The following RNF166 variants were observed in gnomAD, a reference collection of about 807,000 sequenced individuals.
RNF166 encodes E3 ubiquitin-protein ligase RNF166.
RNF166 carries 19 observed loss-of-function variants against 29.4 expected under a neutral mutation model. That is an observed-to-expected ratio of 0.65 (90% CI 0.45 to 0.95). RNF166 has a LOEUF of 0.95. Among genes scored for constraint, RNF166 ranks in the 40% least tolerant of loss-of-function variants. The probability of loss-of-function intolerance (pLI) is 0.00; values close to 1 mark genes in which losing one functional copy is unlikely to be tolerated. For synonymous variants in RNF166, 171 were observed against 134.5 expected, an observed-to-expected ratio of 1.27 and a Z score of -1.88; for missense variants, 347 against 322.1, an observed-to-expected ratio of 1.08 and a Z score of -0.59.
chr16:88,702,033 C>T (rs944276629), intron 1 of RNF166, among the ~76,000 whole-genome samples: 1 of 152,180 alleles, frequency 6.6e-6, no homozygotes, highest in African/African-American at 2.4e-5. Context: ...CCTGGGCACC[C>T]ATGGGCCCTG....
intron 2 of RNF166, chr16:88,700,846 G>A (rs968634825): frequency 9.4e-7 from 1 of 1,060,122 alleles, no homozygotes; most frequent in Non-Finnish European, 1.1e-6. Context: ...GGCAGCTGGA[G>A]GGTGCTCGGC....
At chr16:88,704,357 G>A (rs767646991) in intron 1 of RNF166, 65 of 985,472 alleles carry the variant, frequency 6.6e-5, no homozygotes, top group Non-Finnish European at 7.7e-5. Context: ...AAAAGCTCTT[G>A]CAGGACCCGC....
intron 3 of RNF166, 42 bp downstream of exon 3, chr16:88,699,578 C>G: frequency 1.3e-6 from 2 of 1,497,886 alleles, no homozygotes; most frequent in Non-Finnish European, 1.8e-6. Flanking sequence ...ACGAGGAAAC[C>G]GCCGAGGACA....
intron 4 of RNF166, 25 bp from the exon 5 acceptor site, chr16:88,698,634 C>A (rs367960205): frequency 8.1e-6 from 12 of 1,475,530 alleles, no homozygotes; most frequent in East Asian, 2.5e-5. Flanking sequence ...GGGGTCAAGC[C>A]GAGCCGGACC....
At chr16:88,702,464 A>G (rs1157372302) in intron 1 of RNF166, among the ~76,000 whole-genome samples, 2 of 152,152 alleles carry the variant, frequency 1.3e-5, no homozygotes, top group South Asian at 2.1e-4. Flanking sequence ...GGGTTCACAA[A>G]CGACTCAGCT....
chr16:88,697,548 G>C lies in RNF166; in HGVS notation c.*20C>G, dbSNP rs560901941. ...GGGACATCCCTGACCCCAGACGCAG[G>C]CGGGTGGCTGCGCTTCCCTTCAGTT... is the stretch of plus-strand genomic sequence containing the variant. On this transcript the variant is annotated 3_prime_UTR_variant, in exon 6 of 6. Coordinates refer to ENST00000312838, the MANE Select transcript of RNF166 (RefSeq NM_178841.4). 1.8e-5 allele frequency: 28 copies of C among 1,541,866 alleles called. 2 individuals carry two copies. The South Asian group carries it at 2.9e-4, about 16-fold the overall frequency.
At chr16:88,701,181 C>A (rs956436062) in intron 2 of RNF166, 81 bp downstream of exon 2, 1 of 1,547,278 alleles carries the variant, frequency 6.5e-7, no homozygotes, top group Admixed American at 1.7e-5. Flanking sequence ...AGGGCCCCGG[C>A]CCCCACCCTC....
chr16:88,703,952 G>A lies in RNF166; in HGVS notation c.155+2219C>T, dbSNP rs192017853. On this transcript the variant is annotated intron_variant, in intron 1 of 5. Transcript: ENST00000312838. ...CCCTTCCAGGCAGGTTCGTGATCAC[G>A]CGTGTCCTGGCCCACAGGCTTCTGG... 756 of 985,474 alleles carry A rather than the reference G, an allele frequency of 7.7e-4. 1 individual carries two copies. Among genetic ancestry groups the A allele is most frequent in the East Asian group, 6.9e-3 (61 of 8,814 alleles). 61.0% of individuals were successfully genotyped at this position (985,474 alleles called of 1,614,324 possible). A position where few individuals can be genotyped will look rare whatever the true frequency, so the allele number is the denominator to read the frequency against.
rs1334271370 is a variant in RNF166, at chr16:88,699,657, A to G, written c.388T>C (p.Phe130Leu). 1.9e-6 allele frequency: 3 copies of G among 1,613,370 alleles called. No homozygotes were observed. The highest frequency in any genetic ancestry group is 1.7e-6 in the Non-Finnish European group (2 of 1,179,892). Residue 130 changes from phenylalanine to leucine, a missense_variant, in exon 3 of 6, where the codon TTC becomes CTC. Transcript: ENST00000312838. Reference protein sequence around the residue: ...VQEQMANCPKFVPVVPTSQPI... With the variant: ...VQEQMANCPKLVPVVPTSQPI... ...TGTGATGTGGGCACCACGGGGACGAACTTGGGGCAGTTGGCCATCTGCTCC... is the reference window on the plus strand; with the variant it reads ...TGTGATGTGGGCACCACGGGGACGAGCTTGGGGCAGTTGGCCATCTGCTCC...
At chr16:88,701,202 G>A (rs1350895006) in intron 2 of RNF166, 60 bp downstream of exon 2, 10 of 1,595,822 alleles carry the variant, frequency 6.3e-6, no homozygotes, top group South Asian at 3.3e-5. Context: ...TGCAGAACCC[G>A]TGGGCTGAGG....
At chr16:88,698,312 A>C in intron 5 of RNF166, 190 bp downstream of exon 5, 1 of 707,028 alleles carries the variant, frequency 1.4e-6, no homozygotes, top group Non-Finnish European at 2.6e-6. Context: ...TGGCCACTCA[A>C]ACTCAGCTGC....
rs57865118 is a variant in RNF166 at position 88,701,046 on chromosome 16, C to T, written c.312+216G>A. 9,263 of 1,361,682 alleles carry T rather than the reference C, an allele frequency of 6.8e-3. 511 individuals carry two copies. In the African/African-American group the frequency reaches 0.12, roughly 18 times the overall value. The allele number at this position is 1,361,682 out of a possible 1,614,324, so 84.3% of individuals were successfully genotyped here. A position where few individuals can be genotyped will look rare whatever the true frequency, so the allele number is the denominator to read the frequency against. On this transcript the variant is annotated intron_variant, in intron 2 of 5. Transcript: ENST00000312838. ...GCGGCTCTGACAGTGCTACCCCCAC[C>T]GGGCTGGCCCCCCCGTCAGCCGTCA...
intron 1 of RNF166, among the ~76,000 whole-genome samples, chr16:88,705,015 G>A (rs1910634307): frequency 6.6e-6 from 1 of 152,198 alleles, no homozygotes; most frequent in African/African-American, 2.4e-5. Context: ...CCGTTCAGAG[G>A]CTGCCCCCCC....
chr16:88,706,387 A>C lies in RNF166; in HGVS notation c.-62T>G, dbSNP rs961986512. 4.1e-6 allele frequency: 5 copies of C among 1,213,780 alleles called. No homozygotes were observed. The highest frequency in any genetic ancestry group is 5.2e-6 in the Non-Finnish European group (5 of 970,122). 75.2% of individuals were successfully genotyped at this position (1,213,780 alleles called of 1,614,324 possible). On this transcript the variant is annotated 5_prime_UTR_variant, in exon 1 of 6. Transcript: ENST00000312838. ...CCTGGCCCGGGCCGGCCCGCTAGTC[A>C]CAGCCGCTACTGCGCCGCGCTGACG...
At chr16:88,702,214 C>G (rs1443574437) in intron 1 of RNF166, among the ~76,000 whole-genome samples, 3 of 152,100 alleles carry the variant, frequency 2.0e-5, no homozygotes, top group Non-Finnish European at 4.4e-5. Flanking sequence ...AGTGGGAGCA[C>G]CAGGCGCGAG....
chr16:88,700,332 C>T (rs11649075), intron 2 of RNF166, among the ~76,000 whole-genome samples: 25,987 of 149,842 alleles, frequency 0.17, 2,219 homozygotes, highest in Middle Eastern at 0.27. Context: ...GATTAGAGAA[C>T]GGAGCTGCTG....
Position 88,697,257 on chromosome 16 carries a change from T to G in RNF166, c.*311A>C. 2 of 249,618 alleles carry G rather than the reference T, an allele frequency of 8.0e-6. No homozygotes were observed. The highest frequency in any genetic ancestry group is 9.7e-5 in the South Asian group (1 of 10,326). 15.5% of individuals were successfully genotyped at this position (249,618 alleles called of 1,614,324 possible). A position where few individuals can be genotyped will look rare whatever the true frequency, so the allele number is the denominator to read the frequency against. ...TCGGTCCCTTCTTCCCACGAGGGGG[T>G]ATCATGGCTTTGAAGAGACGGCGGC... On this transcript the variant is annotated 3_prime_UTR_variant, in exon 6 of 6. Transcript: ENST00000312838.
intron 2 of RNF166, chr16:88,701,054 C>T: frequency 3.8e-6 from 5 of 1,325,638 alleles, no homozygotes; most frequent in Non-Finnish European, 5.0e-6. Context: ...ACCGGGCTGG[C>T]CCCCCCGTCA....
chr16:88,701,299 G>A lies in RNF166; in HGVS notation c.275C>T (p.Ser92Leu), dbSNP rs1340954201. The change falls in exon 2 of 6, where the codon TCA (serine) becomes TTA (leucine). Residue 92 changes from serine (S) to leucine (L), a missense_variant. Ser to Leu is a moderately radical substitution (Grantham distance 145). Transcript: ENST00000312838. Reference sequence around the variant, plus strand: ...GCCTCGACAGGGCGCTTTGTAGGATGAGAGCTGCTTCTCCACGTGGGTGGC... The same window carrying A: ...GCCTCGACAGGGCGCTTTGTAGGATAAGAGCTGCTTCTCCACGTGGGTGGC... ...DKATHVEKQL[S>L]SYKAPCRGCN... 6.2e-7 allele frequency: 1 copy of A among 1,613,808 alleles called. No individual in the cohort carries two copies. Among genetic ancestry groups the A allele is most frequent in the South Asian group, 1.1e-5 (1 of 91,088 alleles).
Sources: allele counts gnomAD v4.1 joint callset (sites outside exome capture counted in the v4.1 genomes callset), GRCh38; gene constraint gnomAD v4.1.1; transcripts MANE v1.5; gene names NCBI Gene and HGNC (gene_info 2026-07-23, HGNC 2026-07-21).